CFAP210: variants seen among roughly 807,000 people sequenced by gnomAD.
CFAP210 encodes cilia- and flagella- associated protein 210.
chr2:169,652,379 T>G, the CFAP210 span, among the ~76,000 whole-genome samples: 1 of 152,176 alleles, frequency 6.6e-6, no homozygotes, highest in South Asian at 2.1e-4. Flanking sequence ...TTAAACAGTT[T>G]TATTGATTGC....
At chr2:169,657,618 G>A in the CFAP210 span, among the ~76,000 whole-genome samples, 1 of 152,106 alleles carries the variant, frequency 6.6e-6, no homozygotes, top group East Asian at 1.9e-4. Context: ...TCGGGAGGCT[G>A]AGGCACAGGA....
At chr2:169,652,851 C>T in the CFAP210 span, among the ~76,000 whole-genome samples, 1 of 146,884 alleles carries the variant, frequency 6.8e-6, no homozygotes, top group Admixed American at 6.8e-5. Context: ...AAAAAAAAAA[C>T]TAGCCGGGCC....
At chr2:169,646,812 A>G in the CFAP210 span, among the ~76,000 whole-genome samples, 1 of 152,122 alleles carries the variant, frequency 6.6e-6, no homozygotes, top group African/African-American at 2.4e-5. Context: ...ATTAATTTAC[A>G]TTGGATGAGA....
At chr2:169,648,449 ATGT>A in the CFAP210 span, among the ~76,000 whole-genome samples, 2 of 47,348 alleles carry the variant, frequency 4.2e-5, no homozygotes, top group Non-Finnish European at 9.4e-5. Flanking sequence ...GGTACTTTTT[ATGT>A]TATGTATATT....
At chr2:169,649,972 T>TATG in the CFAP210 span, among the ~76,000 whole-genome samples, 9 of 152,164 alleles carry the variant, frequency 5.9e-5, no homozygotes, top group Non-Finnish European at 1.2e-4. Context: ...AATTAAATGT[T>TATG]ATGACAGTCA....
chr2:169,659,209 TA>T, the CFAP210 span: 1 of 152,326 alleles, frequency 6.6e-6, no homozygotes, highest in Non-Finnish European at 1.5e-5. Context: ...CAACCTTTCA[TA>T]CCAAGTTTGG....
the CFAP210 span, among the ~76,000 whole-genome samples, chr2:169,682,691 T>G: frequency 6.6e-6 from 1 of 152,012 alleles, no homozygotes; most frequent in Non-Finnish European, 1.5e-5. Flanking sequence ...TTCACCAAAA[T>G]AGGAAAGGCA....
chr2:169,674,066 T>G, the CFAP210 span, among the ~76,000 whole-genome samples: 1 of 152,314 alleles, frequency 6.6e-6, no homozygotes, highest in East Asian at 1.9e-4. Flanking sequence ...TGCTTTAGAC[T>G]GATGGAAGGC....
At chr2:169,690,820 A>C in the CFAP210 span, among the ~76,000 whole-genome samples, 1 of 152,054 alleles carries the variant, frequency 6.6e-6, no homozygotes, top group African/African-American at 2.4e-5. Flanking sequence ...TTGTGCTTTC[A>C]AGATTTTCTC....
chr2:169,694,303 C>T, the CFAP210 span: 21 of 1,613,934 alleles, frequency 1.3e-5, no homozygotes, highest in East Asian at 4.5e-4. Flanking sequence ...CCAAACCGTA[C>T]CAGCATCTCT....
chr2:169,650,516 A>G, the CFAP210 span: 3 of 1,558,312 alleles, frequency 1.9e-6, no homozygotes, highest in South Asian at 1.2e-5. Flanking sequence ...TCGTTTCTCC[A>G]TAAGCCTATA....
chr2:169,652,799 T>C, the CFAP210 span, among the ~76,000 whole-genome samples: 1 of 148,516 alleles, frequency 6.7e-6, no homozygotes, highest in African/African-American at 2.5e-5. Flanking sequence ...ATCGAGACCA[T>C]CCTGGCTAAC....
At chr2:169,662,384 CT>C in the CFAP210 span, 1 of 1,603,222 alleles carries the variant, frequency 6.2e-7, no homozygotes, top group South Asian at 1.1e-5. Flanking sequence ...TCCTCAGCAT[CT>C]TTTTCTTCAT....
chr2:169,692,477 CA>C, the CFAP210 span, among the ~76,000 whole-genome samples: 1 of 147,816 alleles, frequency 6.8e-6, no homozygotes, highest in African/African-American at 2.6e-5. Flanking sequence ...CACACACACA[CA>C]CACCACACAG....
At chr2:169,646,086 G>A in the CFAP210 span, 1 of 1,613,856 alleles carries the variant, frequency 6.2e-7, no homozygotes, top group South Asian at 1.1e-5. Flanking sequence ...GCATAGTCCT[G>A]AAATTCTTTC....
the CFAP210 span, chr2:169,662,382 A>G: frequency 7.0e-5 from 112 of 1,603,328 alleles, no homozygotes; most frequent in Non-Finnish European, 8.8e-5. Context: ...TTTCCTCAGC[A>G]TCTTTTTCTT....
At chr2:169,675,965 C>T in the CFAP210 span, among the ~76,000 whole-genome samples, 15 of 152,226 alleles carry the variant, frequency 9.9e-5, no homozygotes, top group East Asian at 2.7e-3. Context: ...ACTCTGATAT[C>T]CTGAAGATAT....
At chr2:169,682,123 C>G in the CFAP210 span, among the ~76,000 whole-genome samples, 1 of 152,142 alleles carries the variant, frequency 6.6e-6, no homozygotes, top group Admixed American at 6.5e-5. Context: ...CTAAATGAAA[C>G]AGTGGAACTC....
chr2:169,691,704 A>C, the CFAP210 span, among the ~76,000 whole-genome samples: 16 of 152,132 alleles, frequency 1.1e-4, no homozygotes, highest in Non-Finnish European at 2.1e-4. Context: ...TTCATCTTTC[A>C]TAATTTTTAT....
Sources: gnomAD v4.1 joint callset for allele counts (sites outside exome capture counted in the v4.1 genomes callset) on GRCh38, gnomAD v4.1.1 for gene constraint, MANE v1.5 for transcripts, NCBI Gene and HGNC (gene_info 2026-07-23, HGNC 2026-07-21) for gene names.